XPO4: variants seen among roughly 807,000 people sequenced by gnomAD.
XPO4 encodes exportin 4.
Under a neutral mutation model 143.0 loss-of-function variants are expected in XPO4, and 39 were observed. The ratio of observed to expected loss-of-function variants is 0.27; its 90% CI spans 0.21 to 0.36. The LOEUF is 0.36. Among genes scored for constraint, XPO4 ranks in the 10% least tolerant of loss-of-function variants. The probability of loss-of-function intolerance (pLI) is 1.00; values close to 1 mark genes in which losing one functional copy is unlikely to be tolerated. For synonymous variants in XPO4, 439 were observed against 474.0 expected (o/e 0.93, Z 0.96); for missense variants, 907 against 1,348.0 (o/e 0.67, Z 5.12).
At chr13:20,849,301 G>A in intron 4 of XPO4, 1 of 985,318 alleles carries the variant, frequency 1.0e-6, no homozygotes, top group Non-Finnish European at 1.2e-6. Context: ...TCACATCCAG[G>A]GGCTGCCGTA....
In XPO4 at chr13:20,800,997, G is replaced by A. The variant is rs777023092; in HGVS notation, c.1818-7C>T. 21 of 1,610,246 alleles carry A rather than the reference G, an allele frequency of 1.3e-5. No individual in the cohort carries two copies. Among genetic ancestry groups the A allele is most frequent in the African/African-American group, 8.0e-5 (6 of 74,688 alleles). ...GAGAATGGCAGACAACAGCCTGTAG[G>A]TATAAAACAGAAGTCATTTATTCTT... On this transcript the variant is annotated splice_region_variant and splice_polypyrimidine_tract_variant and intron_variant, in intron 13 of 22. Coordinates refer to ENST00000255305, the MANE Select transcript of XPO4 (RefSeq NM_022459.5).
chr13:20,851,525 A>G, intron 4 of XPO4: 2 of 736,372 alleles, frequency 2.7e-6, no homozygotes, highest in Non-Finnish European at 3.3e-6. Context: ...CTTGGGCAAC[A>G]TAGCAAAACC....
intron 4 of XPO4, among the ~76,000 whole-genome samples, chr13:20,847,749 A>C (rs911574933): frequency 6.6e-6 from 1 of 152,144 alleles, no homozygotes; most frequent in South Asian, 2.1e-4. Context: ...AATTCGGATC[A>C]AAGTTGACTA....
chr13:20,810,443 A>C (rs2059566946), intron 9 of XPO4, among the ~76,000 whole-genome samples: 1 of 152,016 alleles, frequency 6.6e-6, no homozygotes, highest in Non-Finnish European at 1.5e-5. Context: ...CACTGTCTTC[A>C]AAAAAAATGT....
At chr13:20,807,092 T>C (rs763080769) in intron 13 of XPO4, among the ~76,000 whole-genome samples, 1 of 152,206 alleles carries the variant, frequency 6.6e-6, no homozygotes, top group Non-Finnish European at 1.5e-5. Context: ...TTATGAACGA[T>C]ACTTGTTGAC....
chr13:20,863,402 A>G (rs1440757089), intron 2 of XPO4, among the ~76,000 whole-genome samples: 1 of 152,178 alleles, frequency 6.6e-6, no homozygotes, highest in African/African-American at 2.4e-5. Flanking sequence ...AAACAATATA[A>G]GTCACATTTA....
Position 20,868,717 on chromosome 13 carries a change from C to T in XPO4, c.70-16G>A. ...AAGGTGGTGCCTTGAGAGTTAAAGA[C>T]AAGAACAGATACACTTATCTAATGA... On this transcript the variant is annotated splice_polypyrimidine_tract_variant and intron_variant, in intron 1 of 22. Transcript: ENST00000255305. 2 of 1,607,002 alleles carry T rather than the reference C, an allele frequency of 1.2e-6. No homozygotes were observed.
upstream of XPO4, chr13:20,902,752 T>C (rs2060634731): frequency 1.7e-5 from 25 of 1,512,534 alleles, no homozygotes; most frequent in Non-Finnish European, 2.2e-5. Context: ...CTCTCTTCAA[T>C]GACGCGCCAT....
chr13:20,901,651 T>C (rs2060621649), intron 1 of XPO4, among the ~76,000 whole-genome samples: 1 of 152,202 alleles, frequency 6.6e-6, no homozygotes, highest in Admixed American at 6.5e-5. Context: ...GTGTAAAATA[T>C]TAGAACTACA....
At chr13:20,880,411 G>A (rs527720081) in intron 1 of XPO4, among the ~76,000 whole-genome samples, 8 of 150,980 alleles carry the variant, frequency 5.3e-5, no homozygotes, top group African/African-American at 9.7e-5. Context: ...CAGCCTGGGC[G>A]ACAAGAGCGA....
intron 7 of XPO4, among the ~76,000 whole-genome samples, chr13:20,824,068 C>T (rs1038681298): frequency 2.0e-5 from 3 of 152,202 alleles, no homozygotes; most frequent in African/African-American, 7.2e-5. Flanking sequence ...GAACATATGA[C>T]CTGCAAAGCC....
In XPO4 at chr13:20,777,774, A is replaced by G. The variant is rs1417604135; in HGVS notation, c.*5948T>C. 6.6e-6 allele frequency: 1 copy of G among 152,218 alleles called. No individual in the cohort carries two copies. The highest frequency in any genetic ancestry group is 2.4e-5 in the African/African-American group (1 of 41,466). The allele number at this position is 152,218 out of a possible 1,614,324, so 9.4% of individuals were successfully genotyped here. A position where few individuals can be genotyped will look rare whatever the true frequency, so the allele number is the denominator to read the frequency against. On this transcript the variant is annotated 3_prime_UTR_variant, in exon 23 of 23. Coordinates refer to ENST00000255305, the MANE Select transcript of XPO4 (RefSeq NM_022459.5). ...CATTCATCATCTCTGGGAAACATCA[A>G]TGACTTACCTCAGTTCACTCTCATG...
At chr13:20,857,957 TATTTATGTAATAGTCTA>T in intron 3 of XPO4, 1 of 985,228 alleles carries the variant, frequency 1.0e-6, no homozygotes, top group Non-Finnish European at 1.2e-6. Flanking sequence ...AAGTACACAT[TATTTATGTAATAGTCTA>T]CTACATAGCC....
In XPO4 at chr13:20,822,259, T is replaced by A; in HGVS notation, c.871A>T (p.Met291Leu). The A allele has an allele frequency of 1.9e-6, 3 of 1,612,540 alleles. No individual in the cohort carries two copies. Among genetic ancestry groups the A allele is most frequent in the Non-Finnish European group, 2.5e-6 (3 of 1,179,460 alleles). The change falls in exon 8 of 23, where the codon ATG (methionine) becomes TTG (leucine). Residue 291 changes from methionine to leucine, a missense_variant. Physicochemically the swap from Met to Leu is conservative, Grantham distance 15 (BLOSUM62 2). Coordinates refer to ENST00000255305, the MANE Select transcript of XPO4 (RefSeq NM_022459.5). ...VHRKIREDSD[M>L]AQDSLQCLAQ... is the part of the protein sequence containing the mutation. ...AGGCACTGCAGAGAATCTTGTGCCA[T>A]ATCTGAATCTTCTCTGATTTTTCGA...
intron 1 of XPO4, chr13:20,879,335 G>A (rs2060383976): frequency 1.1e-6 from 1 of 946,330 alleles, no homozygotes. Context: ...GGGAGGGAAG[G>A]ATTAACTTGC....
intron 4 of XPO4, among the ~76,000 whole-genome samples, chr13:20,844,091 TA>T (rs2060006493): frequency 6.6e-6 from 1 of 152,232 alleles, no homozygotes. Context: ...TCAGTGTTAA[TA>T]GTACTTCCTC....
At chr13:20,902,635 C>A (rs1300045531) in intron 1 of XPO4, 35 bp downstream of exon 1, 2 of 1,525,140 alleles carry the variant, frequency 1.3e-6, no homozygotes, top group African/African-American at 1.4e-5. Flanking sequence ...CGGGGGCCCG[C>A]GAATCCCGGG....
At chr13:20,794,479 T>A (rs1356810480) in intron 18 of XPO4, among the ~76,000 whole-genome samples, 2 of 152,220 alleles carry the variant, frequency 1.3e-5, no homozygotes, top group Non-Finnish European at 2.9e-5. Flanking sequence ...CAGATTCCTC[T>A]GGGGACAAGA....
intron 2 of XPO4, among the ~76,000 whole-genome samples, chr13:20,864,160 TTAAAA>T (rs2060225085): frequency 6.6e-6 from 1 of 151,194 alleles, no homozygotes; most frequent in African/African-American, 2.4e-5. Flanking sequence ...TAATAAATAA[TTAAAA>T]TAAAGGAATA....
Sources: gnomAD v4.1 joint callset for allele counts (sites outside exome capture counted in the v4.1 genomes callset) on GRCh38, gnomAD v4.1.1 for gene constraint, MANE v1.5 for transcripts, NCBI Gene and HGNC (gene_info 2026-07-23, HGNC 2026-07-21) for gene names.